DTX1: variants seen among roughly 807,000 people sequenced by gnomAD.
The protein encoded by DTX1 is deltex E3 ubiquitin ligase 1.
Under a neutral mutation model 57.8 loss-of-function variants are expected in DTX1, and 26 were observed. The observed-to-expected ratio is 0.45, with a 90% CI of 0.33 to 0.62. The LOEUF (loss-of-function observed/expected upper bound fraction) is 0.62, where lower values mean the gene tolerates loss of function less well. DTX1 is among the 20% of genes least tolerant of loss of function. DTX1 has a pLI of 0.02. For missense variants in DTX1, 704 were observed against 895.3 expected, an observed-to-expected ratio of 0.79 and a Z score of 2.73; for synonymous variants, 398 against 394.1, an observed-to-expected ratio of 1.01 and a Z score of -0.12.
intron 3 of DTX1, among the ~76,000 whole-genome samples, chr12:113,080,514 A>G (rs192707207): frequency 1.5e-4 from 23 of 152,312 alleles, no homozygotes; most frequent in Non-Finnish European, 3.2e-4. Flanking sequence ...ATTGTAACCC[A>G]CAAGAAGACT....
Position 113,093,312 on chromosome 12 carries a change from G to T in DTX1, c.1003+89G>T, listed in dbSNP as rs1950260703. 1.0e-5 allele frequency: 15 copies of T among 1,466,494 alleles called. No homozygotes were observed. The South Asian group carries it at 1.1e-4, about 11-fold the overall frequency. The allele number at this position is 1,466,494 out of a possible 1,614,324, so 90.8% of individuals were successfully genotyped here. A position where few individuals can be genotyped will look rare whatever the true frequency, so the allele number is the denominator to read the frequency against. On this transcript the variant is annotated intron_variant, in intron 4 of 9. Coordinates refer to ENST00000548759, the MANE Select transcript of DTX1 (RefSeq NM_004416.3). This position sits in a 1 kb window ranked among gnomAD's most constrained non-coding sequence, Gnocchi z 4.2. ...CCCGGTGACCCCGCCCCCGAGATGG[G>T]CTGGTGAGCGTGGCCCGGAGGAAAC...
At chr12:113,087,936 G>A (rs1374561102) in intron 3 of DTX1, among the ~76,000 whole-genome samples, 2 of 152,180 alleles carry the variant, frequency 1.3e-5, no homozygotes, top group African/African-American at 4.8e-5. Context: ...AGAGAGAGGT[G>A]GCCAAAGCAG....
intron 3 of DTX1, among the ~76,000 whole-genome samples, chr12:113,092,326 T>TAAA (rs11372823): frequency 6.9e-6 from 1 of 145,588 alleles, no homozygotes. Context: ...CACAGCAGAT[T>TAAA]AAAAAAAAAA....
chr12:113,085,328 G>T (rs1336670810), intron 3 of DTX1, among the ~76,000 whole-genome samples: 1 of 152,190 alleles, frequency 6.6e-6, no homozygotes, highest in Non-Finnish European at 1.5e-5. Flanking sequence ...GGGATTACAG[G>T]CGTGAGCCAC....
In DTX1 at chr12:113,077,597, C is replaced by G; in HGVS notation, c.433C>G (p.Leu145Val). ...GCACCCGTGGCTCGACCTCTCATCG[C>G]TAGGCTTCTGCTACCTCATCTACTT... ...KQHPWLDLSS[L>V]GFCYLIYFNS... is the part of the protein sequence containing the mutation. The change falls in exon 3 of 10, where the codon CTA becomes GTA. Residue 145 changes from leucine to valine, a missense_variant. Physicochemically the swap from Leu to Val is conservative, Grantham distance 32. Coordinates refer to ENST00000548759, the MANE Select transcript of DTX1 (RefSeq NM_004416.3). This position sits in a 1 kb window ranked among gnomAD's most constrained non-coding sequence, Gnocchi z 7.8. 1.9e-6 allele frequency: 3 copies of G among 1,613,560 alleles called. No individual in the cohort carries two copies. The highest frequency in any genetic ancestry group is 2.5e-6 in the Non-Finnish European group (3 of 1,179,900).
At position 113,094,078 on chromosome 12, in the gene DTX1, G is replaced by A; in HGVS notation, c.1206G>A (p.Lys402=). ...ATGTGGTTCGAAGATACATGCAGAA[G>A]GTGAAAAACCCACCTGATGAGGTGA... ...PEDVVRRYMQ[K]VKNPPDEDCT... The change falls in exon 6 of 10, where the codon AAG becomes AAA. Residue 402 remains lysine, a synonymous_variant. Transcript: ENST00000548759. 6.4e-7 allele frequency: 1 copy of A among 1,569,774 alleles called. No individual in the cohort carries two copies. Among genetic ancestry groups the A allele is most frequent in the Non-Finnish European group, 8.7e-7 (1 of 1,155,986 alleles).
At position 113,095,096 on chromosome 12, in the gene DTX1, A is replaced by G. The variant is rs1252251232; in HGVS notation, c.1441A>G (p.Thr481Ala). The change falls in exon 8 of 10, where the codon ACG becomes GCG. Residue 481 changes from threonine (T) to alanine (A), a missense_variant. Physicochemically the swap from Thr to Ala is moderately conservative, Grantham distance 58. Coordinates refer to ENST00000548759, the MANE Select transcript of DTX1 (RefSeq NM_004416.3). ...GGCCATCTACGGGGAGAAGACGGGT[A>G]CGCAGCCGCCTGGGAAGATGGAGTT... ...CKAIYGEKTG[T>A]QPPGKMEFHL... 2 of 1,613,706 alleles carry G rather than the reference A, an allele frequency of 1.2e-6. No homozygotes were observed.
intron 3 of DTX1, among the ~76,000 whole-genome samples, chr12:113,091,154 C>T (rs1385025440): frequency 6.6e-6 from 1 of 152,090 alleles, no homozygotes; most frequent in Non-Finnish European, 1.5e-5. Context: ...TCTACATGAG[C>T]CACCGACTCT....
chr12:113,059,414 A>T (rs2044651766), intron 2 of DTX1, among the ~76,000 whole-genome samples: 1 of 151,300 alleles, frequency 6.6e-6, no homozygotes, highest in South Asian at 2.1e-4. Context: ...GGTATTGGTG[A>T]TCCTGTTGTG....
chr12:113,093,157 C>A lies in DTX1; in HGVS notation c.942-5C>A. 6.3e-7 allele frequency: 1 copy of A among 1,592,508 alleles called. No individual in the cohort carries two copies. The highest frequency in any genetic ancestry group is 8.5e-7 in the Non-Finnish European group (1 of 1,169,664). On this transcript the variant is annotated splice_polypyrimidine_tract_variant and splice_region_variant and intron_variant, in intron 3 of 9. Transcript: ENST00000548759. This position sits in a 1 kb window ranked among gnomAD's most constrained non-coding sequence, Gnocchi z 4.2. ...CAGCTGCGGCCTCTTCTCTTCTCCC[C>A]GCAGGGTCCCCGCACTCCCGGTGAA...
chr12:113,072,595 G>A (rs755203395), intron 2 of DTX1, among the ~76,000 whole-genome samples: 1 of 150,940 alleles, frequency 6.6e-6, no homozygotes, highest in Non-Finnish European at 1.5e-5. Context: ...TGTTTCCCCA[G>A]TAATTCTTTG....
At chr12:113,063,121 C>A (rs939921539) in intron 2 of DTX1, among the ~76,000 whole-genome samples, 1 of 152,224 alleles carries the variant, frequency 6.6e-6, no homozygotes, top group Admixed American at 6.5e-5. Flanking sequence ...TTCTTCATTT[C>A]CCTCTGTCTC....
At chr12:113,058,626 A>G (rs1484029344) in intron 2 of DTX1, among the ~76,000 whole-genome samples, 175 bp downstream of exon 2, 3 of 152,218 alleles carry the variant, frequency 2.0e-5, no homozygotes, top group Non-Finnish European at 1.5e-5. Context: ...TTGGATTCCA[A>G]TGCAGCCTCT....
Position 113,074,104 on chromosome 12 carries a change from C to G in DTX1, c.260-3320C>G, listed in dbSNP as rs567216274. On this transcript the variant is annotated intron_variant, in intron 2 of 9. Coordinates refer to ENST00000548759, the MANE Select transcript of DTX1 (RefSeq NM_004416.3). ...AAAAAATCAGCTGGGTGACACATAC[C>G]TGTAATGCCAGCTACTTGGGAGTCT... Among the ~76,000 whole-genome samples, 46 of 152,218 alleles carry G rather than the reference C, an allele frequency of 3.0e-4. 1 individual carries two copies. Among genetic ancestry groups the G allele is most frequent in the African/African-American group, 8.9e-4 (37 of 41,534 alleles).
At chr12:113,072,700 T>TC (rs2044744835) in intron 2 of DTX1, among the ~76,000 whole-genome samples, 2 of 136,818 alleles carry the variant, frequency 1.5e-5, no homozygotes, top group African/African-American at 3.0e-5. Flanking sequence ...GATTTTCTTT[T>TC]TTTTTTTTTT....
chr12:113,058,369 C>G lies in DTX1; in HGVS notation c.177C>G (p.Ser59=). 1 of 1,611,768 alleles carries G rather than the reference C, an allele frequency of 6.2e-7. No individual in the cohort carries two copies. The highest frequency in any genetic ancestry group is 8.5e-7 in the Non-Finnish European group (1 of 1,180,004). The change falls in exon 2 of 10, where the codon TCC becomes TCG. Residue 59 remains serine (S), a synonymous_variant. Transcript: ENST00000548759. The stretch of plus-strand genomic sequence containing the variant: ...TGCTGAAGGAGGACGCTCGCGGTTC[C>G]GTGGTCCTGGGGCAGGTGGACGCCC... ...ENVLKEDARG[S]VVLGQVDAQL...
rs140926138 is a variant in DTX1, at chr12:113,093,621, C to A, written c.1086C>A (p.Pro362=). 2.2e-5 allele frequency: 36 copies of A among 1,613,224 alleles called. No homozygotes were observed. The highest frequency in any genetic ancestry group is 3.0e-5 in the Non-Finnish European group (35 of 1,179,806). ...RAPKPILHPP[P]VSKSDVKPVP... ...CCAAGCCCATCCTGCACCCGCCGCC[C>A]GTGAGCAAGAGCGACGTGAAGCCCG... The change falls in exon 5 of 10, where the codon CCC becomes CCA. Residue 362 remains proline, a synonymous_variant. Coordinates refer to ENST00000548759, the MANE Select transcript of DTX1 (RefSeq NM_004416.3). The surrounding 1 kb of genome is among the most constrained non-coding windows in gnomAD (Gnocchi z 4.2).
chr12:113,089,138 G>A (rs1191109498), intron 3 of DTX1, among the ~76,000 whole-genome samples: 3 of 152,284 alleles, frequency 2.0e-5, no homozygotes, highest in East Asian at 1.9e-4. Flanking sequence ...TTGGGAAAGG[G>A]TCAGCAAGTG....
chr12:113,093,691 C>T lies in DTX1; in HGVS notation c.1156C>T (p.Leu386Phe). ...GVCRKTKKKH[L>F]KKSKNPEDVV... ...GTGCCGCAAGACCAAGAAGAAGCACCTTAAAAAGAGTACGCCCTCCACGCC... is the reference window on the plus strand; with the variant it reads ...GTGCCGCAAGACCAAGAAGAAGCACTTTAAAAAGAGTACGCCCTCCACGCC... Residue 386 changes from leucine to phenylalanine, a missense_variant, in exon 5 of 10, where the codon CTT (leucine) becomes TTT (phenylalanine). Leu to Phe is a conservative substitution (Grantham distance 22). Around this residue, in one of 3 missense-constraint regions of DTX1, gnomAD observed 299 missense variants for 311.2 expected, o/e 0.96. Transcript: ENST00000548759. The surrounding 1 kb of genome is among the most constrained non-coding windows in gnomAD (Gnocchi z 4.2). 6.2e-7 allele frequency: 1 copy of T among 1,613,684 alleles called. No homozygotes were observed. The highest frequency in any genetic ancestry group is 8.5e-7 in the Non-Finnish European group (1 of 1,179,898).
Sources: gnomAD v4.1 joint callset for allele counts (sites outside exome capture counted in the v4.1 genomes callset) on GRCh38, gnomAD v4.1.1 for gene constraint, gnomAD v4.1.1 regional missense constraint, Gnocchi (gnomAD v3.1) non-coding constraint, MANE v1.5 for transcripts, NCBI Gene and HGNC (gene_info 2026-07-23, HGNC 2026-07-21) for gene names.